The following TTC28 variants were observed in gnomAD, a reference collection of about 807,000 sequenced individuals.
TTC28 encodes the protein tetratricopeptide repeat domain 28, also known as tetratricopeptide repeat protein 28.
A neutral mutation model predicts 198.0 loss-of-function variants in TTC28; 61 were observed. The observed-to-expected ratio is 0.31, with a 90% CI of 0.25 to 0.38. The LOEUF (loss-of-function observed/expected upper bound fraction) is 0.38, where lower values mean the gene tolerates loss of function less well. Ranked by LOEUF, TTC28 falls within the 10% of genes least tolerant of loss-of-function variation. TTC28 has a pLI of 1.00. For synonymous variants in TTC28, 1,171 were observed against 1,297.8 expected (o/e 0.90, Z 2.10); for missense variants, 2,678 against 3,164.0 (o/e 0.85, Z 3.69).
At position 27,981,519 on chromosome 22, in the gene TTC28, C is replaced by A. The variant is rs1033699666; in HGVS notation, c.*702G>T. The A allele has an allele frequency of 6.6e-6, 1 of 151,768 alleles. No homozygotes were observed. The highest frequency in any genetic ancestry group is 1.5e-5 in the Non-Finnish European group (1 of 67,956). 9.4% of individuals were successfully genotyped at this position (151,768 alleles called of 1,614,324 possible). The stretch of plus-strand genomic sequence containing the variant: ...TTCTAAAATGCCTGGATAAGAGTTA[C>A]ATAATTTTTTTTTTAAGAAAATTCA... On this transcript the variant is annotated 3_prime_UTR_variant, in exon 23 of 23. Coordinates refer to ENST00000397906, the MANE Select transcript of TTC28 (RefSeq NM_001145418.2).
chr22:28,356,702 G>A (rs1479399944), intron 2 of TTC28, among the ~76,000 whole-genome samples: 1 of 152,202 alleles, frequency 6.6e-6, no homozygotes, highest in Non-Finnish European at 1.5e-5. Flanking sequence ...GTCAGGGGTG[G>A]AGAGTGGCAG....
At chr22:28,237,091 C>G (rs1929302936) in intron 5 of TTC28, among the ~76,000 whole-genome samples, 1 of 152,010 alleles carries the variant, frequency 6.6e-6, no homozygotes, top group African/African-American at 2.4e-5. Context: ...TTTTTAGGAT[C>G]TAATTTTATC....
chr22:28,253,093 G>A (rs1344671855), intron 5 of TTC28, among the ~76,000 whole-genome samples: 2 of 152,072 alleles, frequency 1.3e-5, no homozygotes, highest in Non-Finnish European at 2.9e-5. Context: ...TACTCTTGAG[G>A]GGGAGTATAT....
intron 5 of TTC28, among the ~76,000 whole-genome samples, chr22:28,252,608 T>C (rs570313540): frequency 6.6e-6 from 1 of 152,286 alleles, no homozygotes; most frequent in South Asian, 2.1e-4. Context: ...TTCATCTCCA[T>C]TAGTACTACC....
At chr22:28,154,987 G>C (rs1238033057) in intron 6 of TTC28, among the ~76,000 whole-genome samples, 3 of 152,004 alleles carry the variant, frequency 2.0e-5, no homozygotes, top group African/African-American at 7.2e-5. Flanking sequence ...TGGCTTCTTT[G>C]ATATAAATGT....
intron 1 of TTC28, among the ~76,000 whole-genome samples, chr22:28,636,327 G>A (rs538873167): frequency 3.0e-4 from 45 of 151,656 alleles, no homozygotes; most frequent in African/African-American, 9.4e-4. Flanking sequence ...GGGTTTCACC[G>A]TGTTAGCCAG....
Position 28,167,818 on chromosome 22 carries a change from C to T in TTC28, c.934-4219G>A, listed in dbSNP as rs532541486. On this transcript the variant is annotated intron_variant, in intron 5 of 22. Coordinates refer to ENST00000397906, the MANE Select transcript of TTC28 (RefSeq NM_001145418.2). ...TCAACACAGTGTTGGAAGTTCTGGC[C>T]AGGGCAATCAGGCAGGAGAAGGAAA... Among the ~76,000 whole-genome samples the T allele has an allele frequency of 1.2e-4, 19 of 152,176 alleles. No homozygotes were observed. In the South Asian group the frequency reaches 3.7e-3, roughly 30 times the overall value.
At chr22:28,130,574 G>A (rs953638575) in intron 6 of TTC28, among the ~76,000 whole-genome samples, 2 of 152,018 alleles carry the variant, frequency 1.3e-5, no homozygotes, top group Admixed American at 6.6e-5. Context: ...CAAGAAATTG[G>A]GCATGAAACA....
intron 2 of TTC28, among the ~76,000 whole-genome samples, chr22:28,389,572 A>C (rs993536877): frequency 3.3e-5 from 5 of 149,504 alleles, no homozygotes; most frequent in Admixed American, 6.7e-5. Context: ...TAGTCTTGGG[A>C]GGGTGTATGT....
intron 1 of TTC28, among the ~76,000 whole-genome samples, chr22:28,638,357 T>C (rs1041493417): frequency 6.6e-6 from 1 of 152,008 alleles, no homozygotes; most frequent in South Asian, 2.1e-4. Flanking sequence ...GAAATAAAAT[T>C]ATAAAATATT....
chr22:28,446,376 C>G (rs1439206260), intron 2 of TTC28, among the ~76,000 whole-genome samples: 1 of 152,172 alleles, frequency 6.6e-6, no homozygotes, highest in African/African-American at 2.4e-5. Context: ...GGAATGCTGA[C>G]TGTAAGGCGA....
chr22:28,107,335 T>G lies in TTC28; in HGVS notation c.2510A>C (p.Tyr837Ser). ...CATCTTTGTGATGCCCATGTTGCCA[T>G]AGACCTGGGCTTCCAGACTCGGATC... is the stretch of plus-strand genomic sequence containing the variant. ...LKDPSLEAQV[Y>S]GNMGITKMNM... is the part of the protein sequence containing the mutation. Residue 837 changes from tyrosine (Y) to serine (S), a missense_variant, in exon 7 of 23, where the codon TAT becomes TCT. Transcript: ENST00000397906. 6.4e-7 allele frequency: 1 copy of G among 1,552,018 alleles called. No homozygotes were observed. The highest frequency in any genetic ancestry group is 8.7e-7 in the Non-Finnish European group (1 of 1,147,058).
chr22:28,572,810 A>T (rs1214113113), intron 2 of TTC28, among the ~76,000 whole-genome samples: 1 of 152,156 alleles, frequency 6.6e-6, no homozygotes, highest in Non-Finnish European at 1.5e-5. Flanking sequence ...TAACGTTTAA[A>T]GCTATGCCTA....
chr22:28,037,006 G>C (rs1318002503), intron 12 of TTC28, among the ~76,000 whole-genome samples: 1 of 151,616 alleles, frequency 6.6e-6, no homozygotes, highest in Non-Finnish European at 1.5e-5. Context: ...AATAGGCTCT[G>C]AAATTGAGGC....
intron 1 of TTC28, among the ~76,000 whole-genome samples, chr22:28,645,746 C>T (rs117931055): frequency 2.1e-3 from 324 of 150,962 alleles, no homozygotes; most frequent in Non-Finnish European, 3.7e-3. Context: ...AAATTAAAAA[C>T]AAAAACCATA....
At chr22:28,014,476 A>G in intron 13 of TTC28, 84 bp from the exon 14 acceptor site, 2 of 1,433,232 alleles carry the variant, frequency 1.4e-6, no homozygotes, top group South Asian at 1.5e-5. Flanking sequence ...ATGCCCCTGT[A>G]TGGAAGGCAG....
chr22:28,072,282 G>A (rs2146777884), intron 12 of TTC28, among the ~76,000 whole-genome samples: 1 of 152,308 alleles, frequency 6.6e-6, no homozygotes, highest in African/African-American at 2.4e-5. Flanking sequence ...GCCCCCAGTA[G>A]TTTGTTCTCT....
chr22:28,285,387 C>G (rs951740163), intron 5 of TTC28, among the ~76,000 whole-genome samples: 1 of 152,074 alleles, frequency 6.6e-6, no homozygotes, highest in Admixed American at 6.5e-5. Flanking sequence ...GAGAGTAGAA[C>G]AGTGGTTGCC....
At chr22:28,369,396 G>A (rs116617377) in intron 2 of TTC28, among the ~76,000 whole-genome samples, 2,433 of 152,272 alleles carry the variant, frequency 0.016, 87 homozygotes, top group African/African-American at 0.056. Context: ...TCTCCCTGTT[G>A]TATCATTAAC....
Sources: gnomAD v4.1 joint callset for allele counts (sites outside exome capture counted in the v4.1 genomes callset) on GRCh38, gnomAD v4.1.1 for gene constraint, MANE v1.5 for transcripts, NCBI Gene and HGNC (gene_info 2026-07-23, HGNC 2026-07-21) for gene names.